Variants in NBEA observed in about 807,000 individuals in gnomAD.
NBEA encodes the protein neurobeachin, also known as lysosomal-trafficking regulator 2.
In NBEA, 44 loss-of-function variants were observed where a neutral mutation model predicts 343.4. The observed-to-expected ratio is 0.13, with a 90% CI of 0.10 to 0.16. The LOEUF (loss-of-function observed/expected upper bound fraction) is 0.16. NBEA is among the 10% of genes least tolerant of loss of function. The probability of loss-of-function intolerance (pLI) is 1.00; values close to 1 mark genes in which losing one functional copy is unlikely to be tolerated. For missense variants in NBEA, 2,555 were observed against 3,631.3 expected, an observed-to-expected ratio of 0.70 and a Z score of 7.62; for synonymous variants, 1,175 against 1,238.7, an observed-to-expected ratio of 0.95 and a Z score of 1.08.
chr13:35,650,141 T>C (rs1393146440), intron 52 of NBEA, among the ~76,000 whole-genome samples: 3 of 152,182 alleles, frequency 2.0e-5, no homozygotes, highest in Admixed American at 2.0e-4. Flanking sequence ...TGCTATTGCC[T>C]AACTGCAAAA....
intron 45 of NBEA, among the ~76,000 whole-genome samples, chr13:35,581,174 C>G (rs1358283466): frequency 6.6e-6 from 1 of 152,088 alleles, no homozygotes; most frequent in African/African-American, 2.4e-5. Flanking sequence ...ATTTCCAGTT[C>G]TAGATCCTTG....
intron 44 of NBEA, among the ~76,000 whole-genome samples, chr13:35,559,706 G>A (rs902015232): frequency 1.3e-5 from 2 of 152,056 alleles, no homozygotes; most frequent in Non-Finnish European, 2.9e-5. Context: ...ACGAGGTCAG[G>A]AGATGGAGAC....
chr13:35,245,559 G>A lies in NBEA; in HGVS notation c.5776+12940G>A, dbSNP rs376244669. Among the ~76,000 whole-genome samples the A allele has an allele frequency of 2.0e-4, 30 of 152,250 alleles. No individual in the cohort carries two copies. In the East Asian group the frequency reaches 2.1e-3, roughly 11 times the overall value. On this transcript the variant is annotated intron_variant, in intron 34 of 58. Coordinates refer to ENST00000379939, the MANE Select transcript of NBEA (RefSeq NM_001385012.1). ...TCATTTATGAAGATTAGTTTCTCTG[G>A]ATACAAAATTCTTGGCTGATAATTG...
intron 1 of NBEA, among the ~76,000 whole-genome samples, chr13:34,945,055 T>TTATG (rs1275559459): frequency 9.2e-5 from 14 of 152,286 alleles, no homozygotes; most frequent in Admixed American, 4.6e-4. Flanking sequence ...ACATGAAGTT[T>TTATG]CAGTATGCAG....
In NBEA at chr13:34,966,056, A is replaced by T. The variant is rs999336; in HGVS notation, c.294+22942A>T. Among the ~76,000 whole-genome samples the T allele has an allele frequency of 4.0e-4, 61 of 152,182 alleles. No individual in the cohort carries two copies. The South Asian group carries it at 4.1e-3, about 10-fold the overall frequency. On this transcript the variant is annotated intron_variant, in intron 1 of 58. Coordinates refer to ENST00000379939, the MANE Select transcript of NBEA (RefSeq NM_001385012.1). ...ATTTCAGAAATGTTAAATATGAAAA[A>T]ATGTTTATTGGAAAAAGGAAATATG...
At chr13:35,014,777 C>T (rs1248978398) in intron 1 of NBEA, among the ~76,000 whole-genome samples, 1 of 151,928 alleles carries the variant, frequency 6.6e-6, no homozygotes, top group African/African-American at 2.4e-5. Context: ...GGGCGGGGCC[C>T]TACCTGTTGG....
chr13:35,544,362 C>G (rs2078969737), intron 41 of NBEA, among the ~76,000 whole-genome samples: 1 of 149,996 alleles, frequency 6.7e-6, no homozygotes, highest in South Asian at 2.1e-4. Context: ...AAAGCTATCA[C>G]TAAACAAGTA....
intron 10 of NBEA, among the ~76,000 whole-genome samples, chr13:35,078,076 G>A (rs1327991788): frequency 6.6e-6 from 1 of 152,102 alleles, no homozygotes; most frequent in Non-Finnish European, 1.5e-5. Context: ...TAAATAAAGG[G>A]GAAGGTTTCT....
intron 1 of NBEA, among the ~76,000 whole-genome samples, chr13:35,019,590 A>G (rs1024875765): frequency 4.6e-5 from 7 of 152,148 alleles, no homozygotes; most frequent in African/African-American, 1.7e-4. Flanking sequence ...ATTGATAGTA[A>G]TTCTCTCACG....
At position 34,942,884 on chromosome 13, in the gene NBEA, G is replaced by T. The variant is rs1332367403; in HGVS notation, c.64G>T (p.Val22Phe). The T allele has an allele frequency of 2.8e-6, 4 of 1,452,062 alleles. No homozygotes were observed. Among genetic ancestry groups the T allele is most frequent in the Admixed American group, 2.4e-5 (1 of 42,512 alleles). The allele number at this position is 1,452,062 out of a possible 1,614,324, so 89.9% of individuals were successfully genotyped here. A position where few individuals can be genotyped will look rare whatever the true frequency, so the allele number is the denominator to read the frequency against. The change falls in exon 1 of 59, where the codon GTC becomes TTC. Residue 22 changes from valine to phenylalanine, a missense_variant. By Grantham distance (50) the Val-to-Phe change is conservative (BLOSUM62 -1). This residue lies in a region of NBEA where 122 missense variants were observed against 91.0 expected (regional missense o/e 1.34). Coordinates refer to ENST00000379939, the MANE Select transcript of NBEA (RefSeq NM_001385012.1). ...LEPQPVGLIA[V>F]GAAGGGGGGS... ...GCCTCAGCCCGTGGGGCTCATTGCC[G>T]TCGGGGCCGCTGGCGGAGGCGGCGG...
At chr13:35,223,950 C>G (rs1337005969) in intron 33 of NBEA, among the ~76,000 whole-genome samples, 1 of 152,170 alleles carries the variant, frequency 6.6e-6, no homozygotes, top group African/African-American at 2.4e-5. Context: ...TAGCATAATT[C>G]GGTTCTGTAT....
intron 2 of NBEA, among the ~76,000 whole-genome samples, chr13:35,042,259 A>T (rs1199734235): frequency 1.3e-5 from 2 of 151,896 alleles, no homozygotes; most frequent in Admixed American, 1.3e-4. Flanking sequence ...TTTTAGAATG[A>T]TTTAGCAGTC....
chr13:35,139,772 T>TTTTTA (rs1555316291), intron 17 of NBEA, among the ~76,000 whole-genome samples: 1 of 142,794 alleles, frequency 7.0e-6, no homozygotes, highest in Non-Finnish European at 1.5e-5. Flanking sequence ...TTTTTTTTTT[T>TTTTTA]ATCTCTTGAC....
At chr13:35,195,270 T>G (rs1161087982) in intron 30 of NBEA, among the ~76,000 whole-genome samples, 1 of 152,172 alleles carries the variant, frequency 6.6e-6, no homozygotes, top group Admixed American at 6.6e-5. Flanking sequence ...TAGGAAATTG[T>G]TATAGGAACT....
In NBEA at chr13:35,584,189, AT is replaced by A. The variant is rs541750563; in HGVS notation, c.7176+159del. 5.7e-4 allele frequency among the ~76,000 whole-genome samples: 86 copies of A among 152,156 alleles called. 1 individual carries two copies. The East Asian group carries it at 0.015, about 27-fold the overall frequency. ...AAGATTTCAAAGTAGCAAAATATGA[AT>A]TTTTTTTATTGAGTTGTCTCATTTG... On this transcript the variant is annotated intron_variant, in intron 46 of 58. Transcript: ENST00000379939.
At chr13:35,373,337 A>G (rs1339886475) in intron 38 of NBEA, among the ~76,000 whole-genome samples, 1 of 152,178 alleles carries the variant, frequency 6.6e-6, no homozygotes, top group East Asian at 1.9e-4. Context: ...GCCCCACATA[A>G]CACATATTTT....
intron 38 of NBEA, among the ~76,000 whole-genome samples, chr13:35,414,122 G>A (rs529976231): frequency 1.2e-4 from 19 of 152,162 alleles, no homozygotes; most frequent in Middle Eastern, 3.4e-3. Context: ...GAGGACATTC[G>A]TTGAAACTCT....
intron 34 of NBEA, among the ~76,000 whole-genome samples, chr13:35,273,399 C>T (rs994207671): frequency 2.6e-5 from 4 of 151,536 alleles, no homozygotes; most frequent in Non-Finnish European, 4.4e-5. Flanking sequence ...CAAGAGAAAG[C>T]GGAAAGCAGA....
chr13:35,302,478 A>G (rs2036619582), intron 35 of NBEA, among the ~76,000 whole-genome samples: 1 of 152,196 alleles, frequency 6.6e-6, no homozygotes, highest in African/African-American at 2.4e-5. Context: ...GAAAACCTTC[A>G]AAAACTGAAT....
Sources: allele counts gnomAD v4.1 joint callset (sites outside exome capture counted in the v4.1 genomes callset), GRCh38; gene constraint gnomAD v4.1.1; regional missense constraint gnomAD v4.1.1; transcripts MANE v1.5; gene names NCBI Gene and HGNC (gene_info 2026-07-23, HGNC 2026-07-21).